The following NALCN variants were observed in gnomAD, a reference collection of about 807,000 sequenced individuals.
The protein encoded by NALCN is sodium leak channel, non-selective.
NALCN carries 111 observed loss-of-function variants against 225.3 expected under a neutral mutation model. The observed-to-expected ratio is 0.49, with a 90% CI of 0.42 to 0.58. NALCN has a LOEUF of 0.58. Among genes scored for constraint, NALCN ranks in the 20% least tolerant of loss-of-function variants. The probability of loss-of-function intolerance (pLI) is 0.00; values close to 1 mark genes in which losing one functional copy is unlikely to be tolerated. For missense variants in NALCN, 1,378 were observed against 2,202.4 expected (o/e 0.63, Z 7.49); for synonymous variants, 764 against 769.0 (o/e 0.99, Z 0.11).
chr13:101,172,092 G>A (rs147507794), intron 15 of NALCN, among the ~76,000 whole-genome samples: 37 of 152,194 alleles, frequency 2.4e-4, no homozygotes, highest in African/African-American at 8.2e-4. Context: ...TCATGAGGAC[G>A]CCTAGAGCTC....
intron 10 of NALCN, among the ~76,000 whole-genome samples, chr13:101,268,307 T>C (rs1030469240): frequency 6.6e-6 from 1 of 152,040 alleles, no homozygotes; most frequent in African/African-American, 2.4e-5. Flanking sequence ...AAATTGGCCA[T>C]GGTGGGAGCA....
intron 7 of NALCN, among the ~76,000 whole-genome samples, chr13:101,333,839 G>C (rs1277543706): frequency 6.6e-6 from 1 of 152,176 alleles, no homozygotes; most frequent in Admixed American, 6.6e-5. Flanking sequence ...GTCCATACAC[G>C]ATTTCCATGC....
At chr13:101,313,740 G>C (rs1026055988) in intron 7 of NALCN, among the ~76,000 whole-genome samples, 4 of 152,158 alleles carry the variant, frequency 2.6e-5, no homozygotes, top group Admixed American at 2.6e-4. Flanking sequence ...AACCCTTGTG[G>C]AAGTTGGTGT....
chr13:101,295,231 G>A lies in NALCN; in HGVS notation c.800-2865C>T, dbSNP rs570108793. Among the ~76,000 whole-genome samples the A allele has an allele frequency of 2.6e-5, 4 of 152,148 alleles. No homozygotes were observed. The South Asian group carries it at 8.3e-4, about 32-fold the overall frequency. Reference sequence around the variant, plus strand: ...TTGATGATTCATAGGTACTAACACTGGACAATACCTTTGCTTTATGTGCAC... The same window carrying A: ...TTGATGATTCATAGGTACTAACACTAGACAATACCTTTGCTTTATGTGCAC... On this transcript the variant is annotated intron_variant, in intron 7 of 43. Coordinates refer to ENST00000251127, the MANE Select transcript of NALCN (RefSeq NM_052867.4).
intron 3 of NALCN, among the ~76,000 whole-genome samples, chr13:101,381,541 T>C (rs1338049): frequency 0.51 from 77,500 of 151,916 alleles, 21,891 homozygotes; most frequent in African/African-American, 0.77. Context: ...ATTTGATTAA[T>C]ACCCAAGAAG....
chr13:101,181,105 T>C (rs746296952), intron 14 of NALCN: 5 of 518,902 alleles, frequency 9.6e-6, no homozygotes, highest in Non-Finnish European at 7.7e-6. Context: ...TTATCGAAGA[T>C]TGTGAGACAA....
chr13:101,149,595 G>T (rs145221473), intron 15 of NALCN, among the ~76,000 whole-genome samples: 1,524 of 152,292 alleles, frequency 0.01, 16 homozygotes, highest in South Asian at 0.047. Flanking sequence ...TGGTCATTGC[G>T]CTGTGAAACT....
At chr13:101,337,371 CA>C (rs1299701192) in intron 7 of NALCN, among the ~76,000 whole-genome samples, 1 of 151,736 alleles carries the variant, frequency 6.6e-6, no homozygotes, top group East Asian at 1.9e-4. Flanking sequence ...TTCAGTGGCT[CA>C]ATCTCGGCTT....
At chr13:101,183,594 G>A (rs1748172639) in intron 14 of NALCN, among the ~76,000 whole-genome samples, 1 of 151,978 alleles carries the variant, frequency 6.6e-6, no homozygotes, top group Admixed American at 6.6e-5. Flanking sequence ...GAAGTAGCTG[G>A]GATTTTAGGT....
rs200310713 is a variant in NALCN at position 101,055,277 on chromosome 13, A to T, written c.*18T>A. On this transcript the variant is annotated 3_prime_UTR_variant, in exon 44 of 44. Coordinates refer to ENST00000251127, the MANE Select transcript of NALCN (RefSeq NM_052867.4). ...AAACGGTTTCCACCACTAGAAATTC[A>T]TCTACATTGACATCCACCTAAATAT... 1 of 1,600,520 alleles carries T rather than the reference A, an allele frequency of 6.2e-7. No individual in the cohort carries two copies. Among genetic ancestry groups the T allele is most frequent in the Non-Finnish European group, 8.5e-7 (1 of 1,170,590 alleles).
chr13:101,095,960 T>G (rs2034478949), intron 27 of NALCN, among the ~76,000 whole-genome samples: 1 of 151,256 alleles, frequency 6.6e-6, no homozygotes, highest in African/African-American at 2.5e-5. Flanking sequence ...AGATGCTCAG[T>G]ATCATGTGCC....
chr13:101,320,460 C>A (rs1024295128), intron 7 of NALCN, among the ~76,000 whole-genome samples: 4 of 152,122 alleles, frequency 2.6e-5, no homozygotes, highest in African/African-American at 9.7e-5. Flanking sequence ...TAGCTTTGTA[C>A]CTTTCAGACA....
intron 20 of NALCN, 42 bp from the exon 21 acceptor site, chr13:101,107,831 T>C: frequency 6.5e-7 from 1 of 1,536,916 alleles, no homozygotes; most frequent in Non-Finnish European, 8.8e-7. Context: ...ACAGGAGGGT[T>C]TTGAATGCAA....
At chr13:101,279,041 G>A (rs1803581807) in intron 10 of NALCN, among the ~76,000 whole-genome samples, 2 of 152,154 alleles carry the variant, frequency 1.3e-5, no homozygotes. Context: ...CTAAAGCACA[G>A]TTGCAGAAGT....
intron 7 of NALCN, among the ~76,000 whole-genome samples, chr13:101,301,008 A>C (rs1273443875): frequency 2.6e-5 from 4 of 152,264 alleles, no homozygotes; most frequent in Non-Finnish European, 5.9e-5. Context: ...GTTTACATAT[A>C]TCTTCTAAGT....
chr13:101,286,692 T>A (rs1478780332), intron 9 of NALCN, among the ~76,000 whole-genome samples: 1 of 152,152 alleles, frequency 6.6e-6, no homozygotes, highest in Non-Finnish European at 1.5e-5. Flanking sequence ...TGTTAGAATG[T>A]CCATTAATTT....
chr13:101,349,899 T>C (rs893577591), intron 6 of NALCN, among the ~76,000 whole-genome samples: 2 of 152,108 alleles, frequency 1.3e-5, no homozygotes, highest in African/African-American at 4.8e-5. Flanking sequence ...TAAACCAGAG[T>C]TCCCTGTCAT....
intron 15 of NALCN, 130 bp from the exon 16 acceptor site, chr13:101,145,026 T>G (rs2037279392): frequency 3.3e-6 from 3 of 900,654 alleles, no homozygotes; most frequent in Non-Finnish European, 4.6e-6. Flanking sequence ...AGCAAAGGCC[T>G]ACCAAGTATA....
chr13:101,199,814 G>A lies in NALCN; in HGVS notation c.1627-7760C>T, dbSNP rs566134279. ...GAGTATAAATAAATATATATATATA[G>A]AAATGTCACAGGGATGCTCCGGGTG... On this transcript the variant is annotated intron_variant, in intron 13 of 43. Coordinates refer to ENST00000251127, the MANE Select transcript of NALCN (RefSeq NM_052867.4). Among the ~76,000 whole-genome samples the A allele has an allele frequency of 2.6e-5, 4 of 151,978 alleles. No individual in the cohort carries two copies. In the East Asian group the frequency reaches 5.8e-4, roughly 22 times the overall value.
Sources: gnomAD v4.1 joint callset for allele counts (sites outside exome capture counted in the v4.1 genomes callset) on GRCh38, gnomAD v4.1.1 for gene constraint, MANE v1.5 for transcripts, NCBI Gene and HGNC (gene_info 2026-07-23, HGNC 2026-07-21) for gene names.